The following QSER1 variants were observed in gnomAD, a reference collection of about 807,000 sequenced individuals.
QSER1 encodes the protein glutamine and serine rich 1, also known as glutamine and serine-rich protein 1.
A neutral mutation model predicts 158.5 loss-of-function variants in QSER1; 49 were observed. That is an observed-to-expected ratio of 0.31 (90% CI 0.25 to 0.39). QSER1 has a LOEUF of 0.39. Among genes scored for constraint, QSER1 ranks in the 10% least tolerant of loss-of-function variants. QSER1 has a pLI of 1.00. For missense variants in QSER1, 1,754 were observed against 2,010.3 expected, an observed-to-expected ratio of 0.87 and a Z score of 2.44; for synonymous variants, 650 against 715.5, an observed-to-expected ratio of 0.91 and a Z score of 1.46.
intron 1 of QSER1, among the ~76,000 whole-genome samples, chr11:32,906,082 C>T (rs1479607833): frequency 6.8e-6 from 1 of 146,304 alleles, no homozygotes; most frequent in Admixed American, 6.8e-5. Flanking sequence ...ATTTTCTCTA[C>T]TATAAAAAAG....
chr11:32,894,380 T>G (rs1441089370), intron 1 of QSER1, among the ~76,000 whole-genome samples: 1 of 152,166 alleles, frequency 6.6e-6, no homozygotes, highest in African/African-American at 2.4e-5. Context: ...ATCTGGTAGG[T>G]GCAGCTTCTG....
Position 32,931,771 on chromosome 11 carries a change from G to A in QSER1, c.513G>A (p.Leu171=), listed in dbSNP as rs746860720. ...TGCATTCCTCAGCAGCAACTGAGCT[G>A]TTTGCTACTGGACCTTTGCCAAGCA... ...TGMHSSAATE[L]FATGPLPSTG... The change falls in exon 4 of 13, where the codon CTG becomes CTA. Residue 171 remains leucine, a synonymous_variant. Transcript: ENST00000650167. 3.7e-6 allele frequency: 6 copies of A among 1,609,576 alleles called. No individual in the cohort carries two copies. Among genetic ancestry groups the A allele is most frequent in the African/African-American group, 1.3e-5 (1 of 74,768 alleles).
In QSER1 at chr11:32,958,031, A is replaced by T. The variant is rs754869629; in HGVS notation, c.4914A>T (p.Ser1638=). 1 of 1,614,148 alleles carries T rather than the reference A, an allele frequency of 6.2e-7. No homozygotes were observed. Among genetic ancestry groups the T allele is most frequent in the Admixed American group, 1.7e-5 (1 of 60,024 alleles). Residue 1638 remains serine (S), a synonymous_variant, in exon 8 of 13, where the codon TCA becomes TCT. Coordinates refer to ENST00000650167, the MANE Select transcript of QSER1 (RefSeq NM_001076786.3). ...KKRKKWKEEF[S]SSQSDSSPEI... The stretch of plus-strand genomic sequence containing the variant: ...GGAAAAAATGGAAAGAAGAATTTTC[A>T]TCATCCCAATCTGACTCATCTCCTG...
At chr11:32,972,115 C>G (rs558328306) in intron 10 of QSER1, among the ~76,000 whole-genome samples, 1 of 150,702 alleles carries the variant, frequency 6.6e-6, no homozygotes, top group East Asian at 1.9e-4. Context: ...ATACCAGGTG[C>G]TTGGAAACAA....
Position 32,966,314 on chromosome 11 carries a change from G to A in QSER1, c.4984G>A (p.Ala1662Thr), listed in dbSNP as rs200484206. Residue 1662 changes from alanine to threonine, a missense_variant, in exon 9 of 13, where the codon GCT (alanine) becomes ACT (threonine). Ala to Thr is a moderately conservative substitution (Grantham distance 58). This residue lies in a region of QSER1 where 1,707 missense variants were observed against 1,919.6 expected (regional missense o/e 0.89). Coordinates refer to ENST00000650167, the MANE Select transcript of QSER1 (RefSeq NM_001076786.3). The part of the protein sequence containing the change: ...SSDDEEFEPP[A>T]PFVTRFLNTR... Reference sequence around the variant, plus strand: ...CTCCCTCCCAGAATTTGAACCTCCCGCTCCCTTTGTCACTCGCTTTTTGAA... The same window carrying A: ...CTCCCTCCCAGAATTTGAACCTCCCACTCCCTTTGTCACTCGCTTTTTGAA... 481 of 1,613,194 alleles carry A rather than the reference G, an allele frequency of 3.0e-4. 1 individual carries two copies. In the African/African-American group the frequency reaches 4.8e-3, roughly 16 times the overall value.
At chr11:32,898,290 A>T (rs907214811) in intron 1 of QSER1, among the ~76,000 whole-genome samples, 1 of 152,160 alleles carries the variant, frequency 6.6e-6, no homozygotes, top group South Asian at 2.1e-4. Flanking sequence ...AGACCAGCCT[A>T]CGCAACGTGG....
At chr11:32,938,147 T>C (rs1476948717) in intron 4 of QSER1, among the ~76,000 whole-genome samples, 1 of 152,206 alleles carries the variant, frequency 6.6e-6, no homozygotes, top group Non-Finnish European at 1.5e-5. Flanking sequence ...AGAATCATAG[T>C]GCTGTGACTT....
intron 12 of QSER1, 50 bp downstream of exon 12, chr11:32,975,393 A>C: frequency 1.3e-6 from 2 of 1,598,524 alleles, no homozygotes; most frequent in Non-Finnish European, 1.7e-6. Context: ...AATGTTAAGG[A>C]GACTCTAGCC....
Position 32,894,012 on chromosome 11 carries a change from G to C in QSER1, c.209+678G>C, listed in dbSNP as rs576953073. ...TTTCCTCCCCTTTTAACAACAGCAG[G>C]AAGTAAGGAATCTTTCTTTGCCTTC... On this transcript the variant is annotated intron_variant, in intron 1 of 12. Transcript: ENST00000650167. Among the ~76,000 whole-genome samples the C allele has an allele frequency of 1.4e-4, 21 of 148,614 alleles. No individual in the cohort carries two copies. In the East Asian group the frequency reaches 4.0e-3, roughly 29 times the overall value.
intron 8 of QSER1, among the ~76,000 whole-genome samples, chr11:32,963,779 C>T (rs181874193): frequency 7.9e-5 from 12 of 152,300 alleles, no homozygotes; most frequent in Admixed American, 6.5e-4. Flanking sequence ...CTTCTCACCT[C>T]GGTCCCCCAA....
In QSER1 at chr11:32,895,505, T is replaced by G. The variant is rs116915907; in HGVS notation, c.209+2171T>G. On this transcript the variant is annotated intron_variant, in intron 1 of 12. Transcript: ENST00000650167. ...GAAATATGCCTTGTAAGTCTAAATA[T>G]TCTACACTTCAGAAGCTTATTTATA... Among the ~76,000 whole-genome samples the G allele has an allele frequency of 6.1e-4, 93 of 152,342 alleles. 1 individual carries two copies. The East Asian group carries it at 0.014, about 23-fold the overall frequency.
In QSER1 at chr11:32,966,318, C is replaced by T; in HGVS notation, c.4988C>T (p.Pro1663Leu). ...CTCCCAGAATTTGAACCTCCCGCTCCCTTTGTCACTCGCTTTTTGAACACA... is the reference window on the plus strand; with the variant it reads ...CTCCCAGAATTTGAACCTCCCGCTCTCTTTGTCACTCGCTTTTTGAACACA... The part of the protein sequence containing the change: ...SDDEEFEPPA[P>L]FVTRFLNTRA... Residue 1663 changes from proline to leucine, a missense_variant, in exon 9 of 13, where the codon CCC (proline) becomes CTC (leucine). By Grantham distance (98) the Pro-to-Leu change is moderately conservative. Transcript: ENST00000650167. The T allele has an allele frequency of 6.2e-7, 1 of 1,613,852 alleles. No individual in the cohort carries two copies. The highest frequency in any genetic ancestry group is 8.5e-7 in the Non-Finnish European group (1 of 1,179,892).
At chr11:32,955,194 T>G in intron 5 of QSER1, 102 bp from the exon 6 acceptor site, 1 of 637,734 alleles carries the variant, frequency 1.6e-6, no homozygotes, top group Non-Finnish European at 2.7e-6. Context: ...AGATAAAAGG[T>G]TGAGCTAGGG....
At position 32,934,973 on chromosome 11, in the gene QSER1, T is replaced by C; in HGVS notation, c.3715T>C (p.Tyr1239His). The C allele has an allele frequency of 6.2e-7, 1 of 1,614,142 alleles. No individual in the cohort carries two copies. The highest frequency in any genetic ancestry group is 1.7e-4 in the Middle Eastern group (1 of 6,060). The change falls in exon 4 of 13, where the codon TAC (tyrosine) becomes CAC (histidine). Residue 1239 changes from tyrosine to histidine, a missense_variant. Transcript: ENST00000650167. ...CCAGAATCCAAGGGGAACAGATATT[T>C]ACTTACCGTATACTCCTCCTTCCTC... ...KRQNPRGTDI[Y>H]LPYTPPSSES...
In QSER1 at chr11:32,934,874, A is replaced by G. The variant is rs1006449692; in HGVS notation, c.3616A>G (p.Lys1206Glu). The G allele has an allele frequency of 6.2e-6, 10 of 1,613,946 alleles. No homozygotes were observed. The highest frequency in any genetic ancestry group is 4.4e-5 in the South Asian group (4 of 91,076). ...TTTTAACCTTCAAAAGAAAAGAGCTAAAGGAAAAGGGCAAGTTAAAGAGGA... is the reference window on the plus strand; with the variant it reads ...TTTTAACCTTCAAAAGAAAAGAGCTGAAGGAAAAGGGCAAGTTAAAGAGGA... ...MHFNLQKKRA[K>E]GKGQVKEEDN... Residue 1206 changes from lysine (K) to glutamate (E), a missense_variant, in exon 4 of 13, where the codon AAA becomes GAA. Around this residue, in one of 2 missense-constraint regions of QSER1, gnomAD observed 1,707 missense variants for 1,919.6 expected, o/e 0.89. Transcript: ENST00000650167.
chr11:32,913,346 A>G (rs1359960787), intron 1 of QSER1, among the ~76,000 whole-genome samples: 1 of 151,716 alleles, frequency 6.6e-6, no homozygotes. Context: ...GCGCGCCACC[A>G]TGCCCAGCTA....
intron 8 of QSER1, among the ~76,000 whole-genome samples, chr11:32,960,125 C>T (rs897245285): frequency 4.6e-5 from 7 of 152,186 alleles, no homozygotes; most frequent in African/African-American, 1.4e-4. Flanking sequence ...CATCTACACA[C>T]CCAGCTACTT....
chr11:32,933,679 GCAA>G lies in QSER1; in HGVS notation c.2424_2426del (p.Gln808del). ...GGTTGAATACTAAAGACTTAAAGCA[GCAA>G]CATCCTCTCATACTTAAGGTGCATG... On this transcript the variant is annotated inframe_deletion, in exon 4 of 13. Transcript: ENST00000650167. 1 of 1,613,596 alleles carries G rather than the reference GCAA, an allele frequency of 6.2e-7. No individual in the cohort carries two copies. The highest frequency in any genetic ancestry group is 8.5e-7 in the Non-Finnish European group (1 of 1,179,822).
chr11:32,941,042 G>A (rs1432073222), intron 4 of QSER1, among the ~76,000 whole-genome samples: 1 of 151,570 alleles, frequency 6.6e-6, no homozygotes, highest in Non-Finnish European at 1.5e-5. Flanking sequence ...CATTTAAGCT[G>A]TCAGTTTTCT....
Sources: allele counts gnomAD v4.1 joint callset (sites outside exome capture counted in the v4.1 genomes callset), GRCh38; gene constraint gnomAD v4.1.1; regional missense constraint gnomAD v4.1.1; transcripts MANE v1.5; gene names NCBI Gene and HGNC (gene_info 2026-07-23, HGNC 2026-07-21).